Variants in ERBB4 observed in about 807,000 individuals in gnomAD.
ERBB4 encodes the protein erb-b2 receptor tyrosine kinase 4.
ERBB4 carries 42 observed loss-of-function variants against 158.0 expected under a neutral mutation model. The ratio of observed to expected loss-of-function variants is 0.27; its 90% CI spans 0.21 to 0.34. The LOEUF (loss-of-function observed/expected upper bound fraction) is 0.34, where lower values mean the gene tolerates loss of function less well. ERBB4 is among the 10% of genes least tolerant of loss of function. The pLI, the probability that ERBB4 is intolerant of heterozygous loss-of-function variation, is 1.00. For synonymous variants in ERBB4, 583 were observed against 558.7 expected (o/e 1.04, Z -0.61); for missense variants, 1,333 against 1,624.1 (o/e 0.82, Z 3.08).
At chr2:212,338,352 T>G (rs1348082266) in intron 1 of ERBB4, among the ~76,000 whole-genome samples, 1 of 152,114 alleles carries the variant, frequency 6.6e-6, no homozygotes, top group African/African-American at 2.4e-5. Flanking sequence ...CCAAAGTGGT[T>G]CCTCAAGCTA....
At chr2:212,496,717 C>T (rs548616606) in intron 1 of ERBB4, among the ~76,000 whole-genome samples, 3 of 152,160 alleles carry the variant, frequency 2.0e-5, no homozygotes, top group African/African-American at 7.2e-5. Flanking sequence ...CTCCGTGAGT[C>T]GTCAAGAGTA....
At chr2:212,165,058 C>T (rs13009844) in intron 1 of ERBB4, among the ~76,000 whole-genome samples, 91,453 of 151,272 alleles carry the variant, frequency 0.6, 28,696 homozygotes, top group African/African-American at 0.67. Context: ...AAACATGCTG[C>T]GGTCGACTTT....
At chr2:211,490,569 C>T (rs780939133) in intron 20 of ERBB4, among the ~76,000 whole-genome samples, 10 of 151,856 alleles carry the variant, frequency 6.6e-5, no homozygotes, top group Admixed American at 3.9e-4. Flanking sequence ...AAATCATGAG[C>T]GACCTAGAGA....
At chr2:211,962,437 A>T (rs1283520239) in intron 2 of ERBB4, among the ~76,000 whole-genome samples, 1 of 152,164 alleles carries the variant, frequency 6.6e-6, no homozygotes. Flanking sequence ...AGTGTTGTTC[A>T]CAGGTCTAAG....
chr2:212,303,731 AAAG>A (rs2086705737), intron 1 of ERBB4, among the ~76,000 whole-genome samples: 3 of 151,592 alleles, frequency 2.0e-5, no homozygotes, highest in African/African-American at 4.8e-5. Flanking sequence ...GTTTTAAAAT[AAAG>A]ACAAATATTT....
At chr2:211,925,466 C>T (rs1173775779) in intron 3 of ERBB4, among the ~76,000 whole-genome samples, 1 of 143,026 alleles carries the variant, frequency 7.0e-6, no homozygotes, top group Non-Finnish European at 1.5e-5. Flanking sequence ...ACTGCAACCT[C>T]TGCCTTCCGG....
At chr2:211,977,357 A>C (rs909818218) in intron 2 of ERBB4, among the ~76,000 whole-genome samples, 1 of 152,064 alleles carries the variant, frequency 6.6e-6, no homozygotes, top group African/African-American at 2.4e-5. Flanking sequence ...AGTCTTGTGT[A>C]TTACATATAT....
chr2:211,600,271 C>A (rs1326166254), intron 19 of ERBB4, among the ~76,000 whole-genome samples: 2 of 152,100 alleles, frequency 1.3e-5, no homozygotes, highest in South Asian at 2.1e-4. Flanking sequence ...TGCTCCTTCC[C>A]AAATCCTGCT....
intron 1 of ERBB4, among the ~76,000 whole-genome samples, chr2:212,435,246 G>A (rs963363121): frequency 6.6e-6 from 1 of 151,904 alleles, no homozygotes; most frequent in African/African-American, 2.4e-5. Flanking sequence ...ATCCCCAGGA[G>A]AAACCTTCTC....
At chr2:212,191,768 T>C (rs114381499) in intron 1 of ERBB4, among the ~76,000 whole-genome samples, 19,510 of 131,846 alleles carry the variant, frequency 0.15, 2,065 homozygotes, top group South Asian at 0.26. Flanking sequence ...ATACATGTTA[T>C]ATATAACACG....
chr2:211,882,897 C>A (rs1019915949), intron 3 of ERBB4, among the ~76,000 whole-genome samples: 2 of 152,144 alleles, frequency 1.3e-5, no homozygotes, highest in Non-Finnish European at 2.9e-5. Context: ...CTCCTTGTAT[C>A]TGTGTTGGGT....
chr2:212,131,239 T>C (rs1422553941), intron 1 of ERBB4, among the ~76,000 whole-genome samples: 1 of 152,146 alleles, frequency 6.6e-6, no homozygotes. Flanking sequence ...CACAGCGGCC[T>C]CCTAACTAAT....
intron 1 of ERBB4, among the ~76,000 whole-genome samples, chr2:212,196,420 CAGA>C (rs2082429001): frequency 2.0e-5 from 3 of 151,510 alleles, no homozygotes; most frequent in African/African-American, 7.3e-5. Flanking sequence ...ATGGCAGAGG[CAGA>C]AGAAGGGGAG....
intron 1 of ERBB4, among the ~76,000 whole-genome samples, chr2:212,278,467 A>G (rs2085629195): frequency 6.6e-6 from 1 of 151,706 alleles, no homozygotes; most frequent in Non-Finnish European, 1.5e-5. Context: ...AAACAGCAGC[A>G]CAGATTTAGA....
intron 1 of ERBB4, among the ~76,000 whole-genome samples, chr2:212,210,873 T>G (rs1048948504): frequency 8.5e-5 from 13 of 152,138 alleles, no homozygotes; most frequent in African/African-American, 3.1e-4. Context: ...TATTGCTGAA[T>G]TCACAATTTA....
intron 1 of ERBB4, among the ~76,000 whole-genome samples, chr2:212,157,916 G>A (rs1034129207): frequency 1.3e-5 from 2 of 152,060 alleles, no homozygotes; most frequent in African/African-American, 4.8e-5. Context: ...TCTTGACACT[G>A]TTGTCAGTGA....
At chr2:212,149,505 A>G (rs1318711282) in intron 1 of ERBB4, among the ~76,000 whole-genome samples, 1 of 152,240 alleles carries the variant, frequency 6.6e-6, no homozygotes, top group Non-Finnish European at 1.5e-5. Flanking sequence ...ATATTACCAA[A>G]TAAAAAAGTA....
rs537215899 is a variant in ERBB4 at position 212,518,430 on chromosome 2, C to A, written c.82+20019G>T. ...AAATTTCCCAAGACCCATTTAAAAA[C>A]CTTGGGAGATAACTGAACATTTAAT... On this transcript the variant is annotated intron_variant, in intron 1 of 27. Coordinates refer to ENST00000342788, the MANE Select transcript of ERBB4 (RefSeq NM_005235.3). Among the ~76,000 whole-genome samples the A allele has an allele frequency of 7.2e-5, 11 of 152,058 alleles. No homozygotes were observed. The South Asian group carries it at 2.3e-3, about 32-fold the overall frequency.
At chr2:212,404,335 C>T (rs2091287354) in intron 1 of ERBB4, among the ~76,000 whole-genome samples, 1 of 151,906 alleles carries the variant, frequency 6.6e-6, no homozygotes, top group Admixed American at 6.6e-5. Flanking sequence ...TCTGTTAATC[C>T]CACCTGGACC....
Sources: allele counts gnomAD v4.1 joint callset (sites outside exome capture counted in the v4.1 genomes callset), GRCh38; gene constraint gnomAD v4.1.1; transcripts MANE v1.5; gene names NCBI Gene and HGNC (gene_info 2026-07-23, HGNC 2026-07-21).